CHD3: variants seen among roughly 807,000 people sequenced by gnomAD.
CHD3 encodes chromodomain helicase DNA binding protein 3.
In CHD3, 52 loss-of-function variants were observed where a neutral mutation model predicts 248.9. The ratio of observed to expected loss-of-function variants is 0.21; its 90% CI spans 0.17 to 0.26. The LOEUF is 0.26. Ranked by LOEUF, CHD3 falls within the 10% of genes least tolerant of loss-of-function variation. The pLI, the probability that CHD3 is intolerant of heterozygous loss-of-function variation, is 1.00. For missense variants in CHD3, 1,482 were observed against 2,605.8 expected (o/e 0.57, Z 9.39); for synonymous variants, 985 against 985.2 (o/e 1.00, Z 0.00).
rs192767079 is a variant in CHD3, at chr17:7,896,315, C to T, written c.1708-768C>T. 5.4e-3 allele frequency among the ~76,000 whole-genome samples: 810 copies of T among 150,150 alleles called. 6 individuals carry two copies. The highest frequency in any genetic ancestry group is 0.018 in the African/African-American group (755 of 40,938). On this transcript the variant is annotated intron_variant, in intron 10 of 39. Transcript: ENST00000330494. ...TGTAAGAGCCCCACCCAGGCCTTGT[C>T]TTCTGAAACTGTTGCATCTGTTTCA...
Position 7,900,981 on chromosome 17 carries a change from C to T in CHD3, c.3108C>T (p.Pro1036=), listed in dbSNP as rs768043554. The change falls in exon 19 of 40, where the codon CCC becomes CCT. Residue 1036 remains proline, a synonymous_variant. Coordinates refer to ENST00000330494, the MANE Select transcript of CHD3 (RefSeq NM_001005273.3). This position sits in a 1 kb window ranked among gnomAD's most constrained non-coding sequence, Gnocchi z 6.5. ...KKCCNHPYLF[P]VAAMESPKLP... ...GCTGCAACCATCCATACCTTTTTCC[C>T]GTGGCTGCTATGGTAGATACACAGA... 58 of 1,613,726 alleles carry T rather than the reference C, an allele frequency of 3.6e-5. No individual in the cohort carries two copies. Among genetic ancestry groups the T allele is most frequent in the East Asian group, 2.4e-4 (11 of 44,898 alleles).
intron 10 of CHD3, among the ~76,000 whole-genome samples, chr17:7,896,656 C>G (rs1443823030): frequency 6.7e-6 from 1 of 149,878 alleles, no homozygotes; most frequent in Non-Finnish European, 1.5e-5. Context: ...CCACCTGCCT[C>G]TGCCTCCCAA....
chr17:7,910,539 G>A lies in CHD3; in HGVS notation c.5702G>A (p.Arg1901His). Residue 1901 changes from arginine to histidine, a missense_variant, in exon 38 of 40, where the codon CGC (arginine) becomes CAC (histidine). Arg to His is a conservative substitution (Grantham distance 29). Around this residue, in one of 20 missense-constraint regions of CHD3, gnomAD observed 83 missense variants for 181.0 expected, o/e 0.46. Transcript: ENST00000330494. This position sits in a 1 kb window ranked among gnomAD's most constrained non-coding sequence, Gnocchi z 4.7. ...PIAARLQMSE[R>H]SILSRLASKG... ...GCAGCCCGCCTTCAGATGTCCGAGCGCAGCATCCTCAGCCGGCTGGCCAGC... is the reference window on the plus strand; with the variant it reads ...GCAGCCCGCCTTCAGATGTCCGAGCACAGCATCCTCAGCCGGCTGGCCAGC... The A allele has an allele frequency of 6.2e-7, 1 of 1,613,182 alleles. No homozygotes were observed. Among genetic ancestry groups the A allele is most frequent in the Non-Finnish European group, 8.5e-7 (1 of 1,180,026 alleles).
rs752103345 is a variant in CHD3 at position 7,895,063 on chromosome 17, C to T, written c.1416C>T (p.Asp472=). The T allele has an allele frequency of 1.4e-5, 22 of 1,614,012 alleles. No homozygotes were observed. The South Asian group carries it at 1.5e-4, about 11-fold the overall frequency. The stretch of plus-strand genomic sequence containing the variant: ...ACGGCGGGGAGCTCCTGTGCTGTGA[C>T]GCGTGCATCTCCTCCTACCACATTC... ...CKDGGELLCC[D]ACISSYHIHC... The change falls in exon 9 of 40, where the codon GAC becomes GAT. Residue 472 remains aspartate, a synonymous_variant. Transcript: ENST00000330494. The surrounding 1 kb of genome is among the most constrained non-coding windows in gnomAD (Gnocchi z 4.9).
At chr17:7,888,616 C>G (rs978996147), upstream of CHD3, among the ~76,000 whole-genome samples, 1 of 152,186 alleles carries the variant, frequency 6.6e-6, no homozygotes, top group Non-Finnish European at 1.5e-5. Flanking sequence ...GGGTGGGGGG[C>G]CTGGGGTCCT....
rs200956669 is a variant in CHD3 at position 7,903,895 on chromosome 17, G to A, written c.3798G>A (p.Arg1266=). Residue 1266 remains arginine, a synonymous_variant, in exon 24 of 40, where the codon CGG becomes CGA. Transcript: ENST00000330494. The surrounding 1 kb of genome is among the most constrained non-coding windows in gnomAD (Gnocchi z 6.8). ...DNEAIARLLD[R]NQDATEDTDV... is the part of the protein sequence containing the mutation. ...AGGCCATCGCTCGGCTGTTGGACCGGAACCAGGATGCAACTGAGGACACTG... is the reference window on the plus strand; with the variant it reads ...AGGCCATCGCTCGGCTGTTGGACCGAAACCAGGATGCAACTGAGGACACTG... The A allele has an allele frequency of 3.1e-6, 5 of 1,614,166 alleles. No homozygotes were observed. The Admixed American group carries it at 6.7e-5, about 22-fold the overall frequency.
chr17:7,907,808 C>CCAGTA lies in CHD3; in HGVS notation c.5027-72_5027-68dup. 3.3e-6 allele frequency: 5 copies of CCAGTA among 1,529,268 alleles called. No homozygotes were observed. The highest frequency in any genetic ancestry group is 1.2e-5 in the South Asian group (1 of 80,382). The allele number at this position is 1,529,268 out of a possible 1,614,324, so 94.7% of individuals were successfully genotyped here. A position where few individuals can be genotyped will look rare whatever the true frequency, so the allele number is the denominator to read the frequency against. On this transcript the variant is annotated intron_variant, in intron 33 of 39. Transcript: ENST00000330494. This position sits in a 1 kb window ranked among gnomAD's most constrained non-coding sequence, Gnocchi z 4.3. Reference sequence around the variant, plus strand: ...CCTGGGCGGGTAGCTGTTTGAAAGGCCAGTACAGTACAGTACAGATAGTAG... The same window carrying CCAGTA: ...CCTGGGCGGGTAGCTGTTTGAAAGGCCAGTACAGTACAGTACAGTACAGATAGTAG...
Position 7,910,727 on chromosome 17 carries a change from C to A in CHD3, c.5755-120C>A. Reference sequence around the variant, plus strand: ...ACAGTCATCACCCTTGAGTGAGTCTCCCTGCCTGTGTATCCTACCCTTAGC... The same window carrying A: ...ACAGTCATCACCCTTGAGTGAGTCTACCTGCCTGTGTATCCTACCCTTAGC... On this transcript the variant is annotated intron_variant, in intron 38 of 39. Transcript: ENST00000330494. This position sits in a 1 kb window ranked among gnomAD's most constrained non-coding sequence, Gnocchi z 4.7. 6.7e-7 allele frequency: 1 copy of A among 1,503,714 alleles called. No individual in the cohort carries two copies. Among genetic ancestry groups the A allele is most frequent in the East Asian group, 2.3e-5 (1 of 44,142 alleles). The allele number at this position is 1,503,714 out of a possible 1,614,324, so 93.1% of individuals were successfully genotyped here. A position where few individuals can be genotyped will look rare whatever the true frequency, so the allele number is the denominator to read the frequency against.
In CHD3 at chr17:7,894,217, C is replaced by G; in HGVS notation, c.1027C>G (p.Arg343Gly). The G allele has an allele frequency of 1.2e-6, 2 of 1,614,120 alleles. No individual in the cohort carries two copies. The highest frequency in any genetic ancestry group is 1.1e-5 in the South Asian group (1 of 91,076). The change falls in exon 7 of 40, where the codon CGC becomes GGC. Residue 343 changes from arginine (R) to glycine (G), a missense_variant. By Grantham distance (125) the Arg-to-Gly change is moderately radical. Coordinates refer to ENST00000330494, the MANE Select transcript of CHD3 (RefSeq NM_001005273.3). Reference protein sequence around the residue: ...SASGRPDGPVRTKKLKRGRPG... With the variant: ...SASGRPDGPVGTKKLKRGRPG... ...CTCAGGCCGGCCTGATGGCCCTGTC[C>G]GCACCAAGAAACTAAAGAGAGGCCG...
Position 7,889,594 on chromosome 17 carries a change from G to A in CHD3, c.101-70G>A. Reference sequence around the variant, plus strand: ...AGTGGGAACTGCCGAGGTGGGGAAGGGGCAAGTTGAGGGGCCTCAGAGGCT... The same window carrying A: ...AGTGGGAACTGCCGAGGTGGGGAAGAGGCAAGTTGAGGGGCCTCAGAGGCT... On this transcript the variant is annotated intron_variant, in intron 1 of 39. Transcript: ENST00000330494. The surrounding 1 kb of genome is among the most constrained non-coding windows in gnomAD (Gnocchi z 4.5). 7.5e-7 allele frequency: 1 copy of A among 1,337,402 alleles called. No homozygotes were observed. Among genetic ancestry groups the A allele is most frequent in the South Asian group, 1.3e-5 (1 of 79,650 alleles). 82.8% of individuals were successfully genotyped at this position (1,337,402 alleles called of 1,614,324 possible).
At chr17:7,887,150 C>A (rs1286924057), upstream of CHD3, among the ~76,000 whole-genome samples, 5 of 152,134 alleles carry the variant, frequency 3.3e-5, no homozygotes, top group Admixed American at 3.3e-4. Context: ...GGAAAAGAAC[C>A]CTCCTCTAAG....
In CHD3 at chr17:7,905,248, TAAA is replaced by T; in HGVS notation, c.4138+87_4138+89del. 7.7e-7 allele frequency: 1 copy of T among 1,301,122 alleles called. No homozygotes were observed. The allele number at this position is 1,301,122 out of a possible 1,614,324, so 80.6% of individuals were successfully genotyped here. ...TTTAAGCCCACTGTTTTTATACAAG[TAAA>T]AAAGTCTTCGTGTGTGTGTGGAAAA... On this transcript the variant is annotated intron_variant, in intron 26 of 39. Transcript: ENST00000330494. This position sits in a 1 kb window ranked among gnomAD's most constrained non-coding sequence, Gnocchi z 5.8.
Position 7,907,234 on chromosome 17 carries a change from A to G in CHD3, c.4775A>G (p.Lys1592Arg), listed in dbSNP as rs773741525. The change falls in exon 31 of 40, where the codon AAG (lysine) becomes AGG (arginine). Residue 1592 changes from lysine (K) to arginine (R), a missense_variant. Physicochemically the swap from Lys to Arg is conservative, Grantham distance 26 (BLOSUM62 2). Around this residue, in one of 20 missense-constraint regions of CHD3, gnomAD observed 254 missense variants for 266.7 expected, o/e 0.95. Transcript: ENST00000330494. This position sits in a 1 kb window ranked among gnomAD's most constrained non-coding sequence, Gnocchi z 4.3. ...GAGAAGAACAGCAGAATTGGGGAGA[A>G]GATGGAGACAGAGGTGTGTGGCTCC... ...KPEKNSRIGE[K>R]METEADAPSP... is the part of the protein sequence containing the mutation. 4.0e-5 allele frequency: 65 copies of G among 1,614,120 alleles called. No homozygotes were observed. Among genetic ancestry groups the G allele is most frequent in the Non-Finnish European group, 5.4e-5 (64 of 1,180,050 alleles).
rs1363052414 is a variant in CHD3 at position 7,905,926 on chromosome 17, A to C, written c.4295A>C (p.Gln1432Pro). Reference protein sequence around the residue: ...NAVMRWGMPPQDAFTTQWLVR... With the variant: ...NAVMRWGMPPPDAFTTQWLVR... The stretch of plus-strand genomic sequence containing the variant: ...GTGATGCGCTGGGGGATGCCACCAC[A>C]GGATGCCTTCACCACACAGTGGCTG... The change falls in exon 28 of 40, where the codon CAG becomes CCG. Residue 1432 changes from glutamine (Q) to proline (P), a missense_variant. Gln to Pro is a moderately conservative substitution (Grantham distance 76). Around this residue, in one of 20 missense-constraint regions of CHD3, gnomAD observed 156 missense variants for 420.3 expected, o/e 0.37. Transcript: ENST00000330494. The surrounding 1 kb of genome is among the most constrained non-coding windows in gnomAD (Gnocchi z 5.8). The C allele has an allele frequency of 1.2e-6, 2 of 1,614,064 alleles. No homozygotes were observed. Among genetic ancestry groups the C allele is most frequent in the Admixed American group, 1.7e-5 (1 of 60,008 alleles).
Position 7,899,618 on chromosome 17 carries a change from C to T in CHD3, c.2544+75C>T. ...TTTTTCTCAGCCAGGAATTCAGTTT[C>T]TCTATTCCCCTCCTCACCTTTCTCC... On this transcript the variant is annotated intron_variant, in intron 15 of 39. Transcript: ENST00000330494. The surrounding 1 kb of genome is among the most constrained non-coding windows in gnomAD (Gnocchi z 6.8). The T allele has an allele frequency of 1.4e-6, 2 of 1,427,582 alleles. No homozygotes were observed. The highest frequency in any genetic ancestry group is 9.7e-7 in the Non-Finnish European group (1 of 1,027,412). 88.4% of individuals were successfully genotyped at this position (1,427,582 alleles called of 1,614,324 possible). A position where few individuals can be genotyped will look rare whatever the true frequency, so the allele number is the denominator to read the frequency against.
rs1216153222 is a variant in CHD3, at chr17:7,894,428, T to C, written c.1089T>C (p.Pro363=). The C allele has an allele frequency of 1.2e-6, 2 of 1,613,344 alleles. No homozygotes were observed. The highest frequency in any genetic ancestry group is 2.2e-5 in the South Asian group (2 of 90,968). ...GGTATATGACAGTCCTGGGCTGTCC[T>C]GCAGTGGCCGGGGAGGAGGAGGTTG... ...GRKKKKVLGC[P]AVAGEEEVDG... The change falls in exon 8 of 40, where the codon CCT becomes CCC. Residue 363 remains proline (P), a synonymous_variant. Coordinates refer to ENST00000330494, the MANE Select transcript of CHD3 (RefSeq NM_001005273.3).
At chr17:7,898,420 G>A in intron 12 of CHD3, 76 bp from the exon 13 acceptor site, 1 of 1,066,776 alleles carries the variant, frequency 9.4e-7, no homozygotes, top group Non-Finnish European at 1.4e-6. Context: ...GTGGGAAGTA[G>A]GTCTGGAATG....
Position 7,907,348 on chromosome 17 carries a change from T to C in CHD3, c.4789-5T>C. Reference sequence around the variant, plus strand: ...GCTCATCCTGACCCCATTGTCCTCTTCCAGGCTGATGCCCCCAGCCCAGCC... The same window carrying C: ...GCTCATCCTGACCCCATTGTCCTCTCCCAGGCTGATGCCCCCAGCCCAGCC... On this transcript the variant is annotated splice_region_variant and splice_polypyrimidine_tract_variant and intron_variant, in intron 31 of 39. Coordinates refer to ENST00000330494, the MANE Select transcript of CHD3 (RefSeq NM_001005273.3). The surrounding 1 kb of genome is among the most constrained non-coding windows in gnomAD (Gnocchi z 4.3). 6.2e-7 allele frequency: 1 copy of C among 1,606,356 alleles called. No homozygotes were observed. The highest frequency in any genetic ancestry group is 8.5e-7 in the Non-Finnish European group (1 of 1,175,930).
intron 10 of CHD3, 128 bp from the exon 11 acceptor site, chr17:7,896,955 G>A: frequency 2.6e-6 from 2 of 759,120 alleles, no homozygotes; most frequent in East Asian, 2.7e-5. Context: ...CACCGTGCCT[G>A]GGCCAATCCA....
Sources: gnomAD v4.1 joint callset for allele counts (sites outside exome capture counted in the v4.1 genomes callset) on GRCh38, gnomAD v4.1.1 for gene constraint, gnomAD v4.1.1 regional missense constraint, Gnocchi (gnomAD v3.1) non-coding constraint, MANE v1.5 for transcripts, NCBI Gene and HGNC (gene_info 2026-07-23, HGNC 2026-07-21) for gene names.